Variants in RABL6 observed in about 807,000 individuals in gnomAD.
The protein encoded by RABL6 is rab-like protein 6.
A neutral mutation model predicts 72.9 loss-of-function variants in RABL6; 28 were observed. That is an observed-to-expected ratio of 0.38 (90% CI 0.28 to 0.53). The LOEUF (loss-of-function observed/expected upper bound fraction) is 0.53, where lower values mean the gene tolerates loss of function less well. Among genes scored for constraint, RABL6 ranks in the 20% least tolerant of loss-of-function variants. RABL6 has a pLI of 0.80. For missense variants in RABL6, 1,029 were observed against 1,008.4 expected, an observed-to-expected ratio of 1.02 and a Z score of -0.28; for synonymous variants, 477 against 421.2, an observed-to-expected ratio of 1.13 and a Z score of -1.62.
At position 136,821,603 on chromosome 9, in the gene RABL6, C is replaced by T. The variant is rs1019203625; in HGVS notation, c.131-1922C>T. 14 of 987,180 alleles carry T rather than the reference C, an allele frequency of 1.4e-5. No individual in the cohort carries two copies. In the South Asian group the frequency reaches 4.6e-4, roughly 33 times the overall value. 61.2% of individuals were successfully genotyped at this position (987,180 alleles called of 1,614,324 possible). A position where few individuals can be genotyped will look rare whatever the true frequency, so the allele number is the denominator to read the frequency against. On this transcript the variant is annotated intron_variant, in intron 1 of 14. Coordinates refer to ENST00000311502, the MANE Select transcript of RABL6 (RefSeq NM_024718.5). ...CGACTGAGCCCAGAGCTGTGGGCCG[C>T]GCCCGGGTTCCTGCCTCGGGCCGGA... is the stretch of plus-strand genomic sequence containing the variant.
chr9:136,813,284 A>G, intron 1 of RABL6: 1 of 600,614 alleles, frequency 1.7e-6, no homozygotes, highest in Middle Eastern at 2.8e-4. Flanking sequence ...CTGTAAGTGC[A>G]TGCACACCCT....
intron 4 of RABL6, among the ~76,000 whole-genome samples, chr9:136,828,808 T>C (rs1479534511): frequency 6.6e-6 from 1 of 151,812 alleles, no homozygotes; most frequent in Non-Finnish European, 1.5e-5. Context: ...TTAAGTGAAC[T>C]CGCCAAACTT....
At position 136,840,352 on chromosome 9, in the gene RABL6, A is replaced by C. The variant is rs1380110517; in HGVS notation, c.2020A>C (p.Lys674Gln). ...EEEKAAKKKS[K>Q]HKKSKDKEEG... The stretch of plus-strand genomic sequence containing the variant: ...AGAAAAAGCTGCCAAGAAGAAGAGC[A>C]AACACAAGAAGAGCAAGGACAAGGA... Residue 674 changes from lysine to glutamine, a missense_variant, in exon 15 of 15, where the codon AAA becomes CAA. By Grantham distance (53) the Lys-to-Gln change is moderately conservative (BLOSUM62 1). Around this residue, in one of 2 missense-constraint regions of RABL6, gnomAD observed 595 missense variants for 472.4 expected, o/e 1.26. Transcript: ENST00000311502. The C allele has an allele frequency of 6.4e-7, 1 of 1,563,328 alleles. No individual in the cohort carries two copies. The highest frequency in any genetic ancestry group is 8.7e-7 in the Non-Finnish European group (1 of 1,154,340).
chr9:136,840,735 G>A lies in RABL6; in HGVS notation c.*213G>A, dbSNP rs1848681102. 2 of 1,548,384 alleles carry A rather than the reference G, an allele frequency of 1.3e-6. No homozygotes were observed. The highest frequency in any genetic ancestry group is 1.2e-5 in the South Asian group (1 of 83,980). ...TGAGCCTGCTCTGCAAGAAGGGAGGGGACAGCTGGCTTCAGCCAGGCTCGG... is the reference window on the plus strand; with the variant it reads ...TGAGCCTGCTCTGCAAGAAGGGAGGAGACAGCTGGCTTCAGCCAGGCTCGG... On this transcript the variant is annotated 3_prime_UTR_variant, in exon 15 of 15. Coordinates refer to ENST00000311502, the MANE Select transcript of RABL6 (RefSeq NM_024718.5).
intron 1 of RABL6, among the ~76,000 whole-genome samples, chr9:136,812,587 A>G (rs1220169769): frequency 6.6e-6 from 1 of 152,108 alleles, no homozygotes; most frequent in East Asian, 1.9e-4. Context: ...AGAAAAGTTT[A>G]TATGAATATC....
chr9:136,825,865 C>G (rs377381037), intron 3 of RABL6, 39 bp downstream of exon 3: 1,233 of 1,584,142 alleles, frequency 7.8e-4, no homozygotes, highest in Non-Finnish European at 1.0e-3. Context: ...CTCTCTGGGA[C>G]TGTGTGCTCT....
At chr9:136,831,220 G>C (rs558257183) in intron 5 of RABL6, among the ~76,000 whole-genome samples, 1 of 152,172 alleles carries the variant, frequency 6.6e-6, no homozygotes, top group Non-Finnish European at 1.5e-5. Context: ...GAGACTTGCC[G>C]TCCGTGCCAG....
chr9:136,828,357 C>G (rs560815287), intron 3 of RABL6, 137 bp from the exon 4 acceptor site: 4 of 804,278 alleles, frequency 5.0e-6, no homozygotes, highest in Non-Finnish European at 8.2e-6. Flanking sequence ...TGGGTGCCCA[C>G]GCTGCAGGCT....
intron 3 of RABL6, chr9:136,828,065 G>A (rs778097006): frequency 1.2e-4 from 20 of 165,732 alleles, no homozygotes; most frequent in Non-Finnish European, 1.8e-4. Flanking sequence ...TTGAGAGTCC[G>A]TGCGCTCATC....
intron 1 of RABL6, among the ~76,000 whole-genome samples, chr9:136,811,082 A>G (rs966135074): frequency 6.6e-6 from 1 of 152,176 alleles, no homozygotes; most frequent in Non-Finnish European, 1.5e-5. Context: ...ATGGATGAAA[A>G]AGTCAAACTC....
chr9:136,815,849 GCT>G (rs1848108729), intron 1 of RABL6, among the ~76,000 whole-genome samples: 1 of 152,348 alleles, frequency 6.6e-6, no homozygotes, highest in South Asian at 2.1e-4. Flanking sequence ...CTCAAATAGA[GCT>G]CTGTGTTTTC....
chr9:136,825,203 C>G (rs1022886992), intron 2 of RABL6, among the ~76,000 whole-genome samples: 14 of 152,234 alleles, frequency 9.2e-5, no homozygotes, highest in African/African-American at 3.4e-4. Context: ...CCTCCGCCCT[C>G]AGTGATTACT....
chr9:136,833,069 A>T (rs1397731922), intron 7 of RABL6: 68 of 259,300 alleles, frequency 2.6e-4, no homozygotes, highest in Non-Finnish European at 4.4e-4. Context: ...TGGGGACCTG[A>T]ACCTCCTCGC....
At chr9:136,840,097 C>G in intron 13 of RABL6, 57 bp from the exon 14 acceptor site, 1 of 1,610,424 alleles carries the variant, frequency 6.2e-7, no homozygotes, top group Non-Finnish European at 8.5e-7. Context: ...GTCCTGTCAC[C>G]CAGCTTGGGG....
At position 136,840,819 on chromosome 9, in the gene RABL6, G is replaced by A. The variant is rs1848682877; in HGVS notation, c.*297G>A. 1.9e-6 allele frequency: 3 copies of A among 1,546,542 alleles called. No individual in the cohort carries two copies. Among genetic ancestry groups the A allele is most frequent in the South Asian group, 2.4e-5 (2 of 83,972 alleles). On this transcript the variant is annotated 3_prime_UTR_variant, in exon 15 of 15. Coordinates refer to ENST00000311502, the MANE Select transcript of RABL6 (RefSeq NM_024718.5). ...AGTGTTTCTCAGGGATGTGACTGAG[G>A]CCCAGGAGGGACCTGTGAGGGTCTG...
rs746081193 is a variant in RABL6, at chr9:136,840,551, C to CG, written c.*35dup. On this transcript the variant is annotated 3_prime_UTR_variant, in exon 15 of 15. Coordinates refer to ENST00000311502, the MANE Select transcript of RABL6 (RefSeq NM_024718.5). ...GGCGTGGGCAGTGGCCGCCCTGGGGCGGGGGGCGTGCCTGTCACTGCCTGG... is the reference window on the plus strand; with the variant it reads ...GGCGTGGGCAGTGGCCGCCCTGGGGCGGGGGGGCGTGCCTGTCACTGCCTGG... 2.6e-5 allele frequency: 39 copies of CG among 1,523,138 alleles called. No individual in the cohort carries two copies. The highest frequency in any genetic ancestry group is 2.2e-4 in the South Asian group (18 of 83,520). 94.4% of individuals were successfully genotyped at this position (1,523,138 alleles called of 1,614,324 possible).
At chr9:136,824,857 A>G (rs972543023) in intron 2 of RABL6, among the ~76,000 whole-genome samples, 3 of 152,168 alleles carry the variant, frequency 2.0e-5, no homozygotes, top group African/African-American at 7.2e-5. Flanking sequence ...CAGAAGCTCT[A>G]CCTGCCACCG....
At chr9:136,834,904 A>T (rs1848557213) in intron 7 of RABL6, among the ~76,000 whole-genome samples, 1 of 151,370 alleles carries the variant, frequency 6.6e-6, no homozygotes, top group Non-Finnish European at 1.5e-5. Context: ...CTGCCTGGGC[A>T]ATATAATATA....
chr9:136,839,899 T>C, intron 13 of RABL6, 34 bp downstream of exon 13: 2 of 1,596,938 alleles, frequency 1.3e-6, no homozygotes, highest in Non-Finnish European at 1.7e-6. Flanking sequence ...GTCAGCCTGC[T>C]GGAGTTTGGG....
Sources: gnomAD v4.1 joint callset for allele counts (sites outside exome capture counted in the v4.1 genomes callset) on GRCh38, gnomAD v4.1.1 for gene constraint, gnomAD v4.1.1 regional missense constraint, MANE v1.5 for transcripts, NCBI Gene and HGNC (gene_info 2026-07-23, HGNC 2026-07-21) for gene names.